Variants in CPZ observed in about 807,000 individuals in gnomAD.
CPZ encodes VEZT/CPZ fusion.
In CPZ, 103 loss-of-function variants were observed where a neutral mutation model predicts 61.8. The observed-to-expected ratio is 1.67, with a 90% CI of 1.42 to 1.96. CPZ has a LOEUF of 1.96. CPZ is among the 30% of genes most tolerant of loss of function. The pLI, the probability that CPZ is intolerant of heterozygous loss-of-function variation, is 0.00. For synonymous variants in CPZ, 551 were observed against 373.7 expected (o/e 1.47, Z -5.47); for missense variants, 1,461 against 914.9 (o/e 1.60, Z -7.70).
At chr4:8,608,692 C>A (rs924735121) in intron 7 of CPZ, among the ~76,000 whole-genome samples, 7 of 149,814 alleles carry the variant, frequency 4.7e-5, no homozygotes, top group Non-Finnish European at 8.9e-5. Context: ...GGGTGGGGAA[C>A]CCCCAGCCTG....
In CPZ at chr4:8,612,139, C is replaced by G; in HGVS notation, c.1340C>G (p.Ala447Gly). The G allele has an allele frequency of 1.4e-6, 2 of 1,477,390 alleles. No individual in the cohort carries two copies. Among genetic ancestry groups the G allele is most frequent in the Non-Finnish European group, 1.8e-6 (2 of 1,099,164 alleles). The allele number at this position is 1,477,390 out of a possible 1,614,324, so 91.5% of individuals were successfully genotyped here. A position where few individuals can be genotyped will look rare whatever the true frequency, so the allele number is the denominator to read the frequency against. Residue 447 changes from alanine to glycine, a missense_variant, in exon 8 of 11, where the codon GCG becomes GGG. Coordinates refer to ENST00000360986, the MANE Select transcript of CPZ (RefSeq NM_001014447.3). ...FLKRGSIING[A>G]DWYSFTGGMS... The stretch of plus-strand genomic sequence containing the variant: ...AAGAGGGGGAGCATCATCAACGGGG[C>G]GGACTGGTACAGCTTCACGGGAGGT...
chr4:8,614,384 C>T lies in CPZ; in HGVS notation c.1389C>T (p.His463=), dbSNP rs1394210386. Residue 463 remains histidine, a synonymous_variant, in exon 9 of 11, where the codon CAC becomes CAT. Coordinates refer to ENST00000360986, the MANE Select transcript of CPZ (RefSeq NM_001014447.3). The stretch of plus-strand genomic sequence containing the variant: ...GCATGTCCGATTTCAACTACCTGCA[C>T]ACCAACTGCTTTGAGATCACGGTAG... ...TGGMSDFNYL[H]TNCFEITVEL... is the part of the protein sequence containing the mutation. 24 of 1,613,878 alleles carry T rather than the reference C, an allele frequency of 1.5e-5. No individual in the cohort carries two copies. Among genetic ancestry groups the T allele is most frequent in the Non-Finnish European group, 1.9e-5 (23 of 1,179,866 alleles).
At chr4:8,608,276 G>T (rs546738032) in intron 7 of CPZ, among the ~76,000 whole-genome samples, 4 of 151,938 alleles carry the variant, frequency 2.6e-5, no homozygotes, top group East Asian at 3.9e-4. Flanking sequence ...CCCAGGCTTC[G>T]CGTGGAGAGC....
At chr4:8,599,275 G>A (rs1159055544) in intron 1 of CPZ, among the ~76,000 whole-genome samples, 178 bp from the exon 2 acceptor site, 4 of 152,236 alleles carry the variant, frequency 2.6e-5, no homozygotes, top group African/African-American at 4.8e-5. Context: ...TCATGCCTGG[G>A]AAATGGGGGT....
At chr4:8,598,909 G>C (rs906557153) in intron 1 of CPZ, among the ~76,000 whole-genome samples, 3 of 152,232 alleles carry the variant, frequency 2.0e-5, no homozygotes, top group Non-Finnish European at 2.9e-5. Context: ...AGGAAATGGG[G>C]AGAGGCCACA....
intron 7 of CPZ, among the ~76,000 whole-genome samples, chr4:8,607,965 T>G (rs1252248072): frequency 1.3e-5 from 2 of 152,204 alleles, no homozygotes; most frequent in Non-Finnish European, 2.9e-5. Context: ...TTTCTCCTAC[T>G]GTTCGTAGAG....
At chr4:8,607,612 C>G (rs1400401688) in intron 7 of CPZ, among the ~76,000 whole-genome samples, 187 bp downstream of exon 7, 1 of 152,170 alleles carries the variant, frequency 6.6e-6, no homozygotes, top group Non-Finnish European at 1.5e-5. Context: ...AAGTCTGTGG[C>G]CTCAGGGGCC....
chr4:8,593,034 T>C, intron 1 of CPZ, 113 bp downstream of exon 1: 1 of 825,052 alleles, frequency 1.2e-6, no homozygotes, highest in Non-Finnish European at 1.8e-6. Flanking sequence ...CACGCGCCTA[T>C]GGTCCTGGCG....
rs1378586312 is a variant in CPZ, at chr4:8,618,444, A to G, written c.1519A>G (p.Lys507Glu). The G allele has an allele frequency of 6.2e-7, 1 of 1,614,182 alleles. No individual in the cohort carries two copies. Among genetic ancestry groups the G allele is most frequent in the African/African-American group, 1.3e-5 (1 of 75,072 alleles). ...GTCTCTTCAGGTGCACCGGGGCATC[A>G]AAGGTGTGGTGACAGATAAATTCGG... is the stretch of plus-strand genomic sequence containing the variant. ...NFVETVHRGIKGVVTDKFGKP... is the reference protein window; with the variant it reads ...NFVETVHRGIEGVVTDKFGKP... The change falls in exon 10 of 11, where the codon AAA becomes GAA. Residue 507 changes from lysine (K) to glutamate (E), a missense_variant. By Grantham distance (56) the Lys-to-Glu change is moderately conservative. Coordinates refer to ENST00000360986, the MANE Select transcript of CPZ (RefSeq NM_001014447.3).
intron 8 of CPZ, among the ~76,000 whole-genome samples, chr4:8,612,852 C>T (rs866391103): frequency 1.3e-5 from 2 of 152,222 alleles, no homozygotes; most frequent in Non-Finnish European, 2.9e-5. Flanking sequence ...CCACAGGTGG[C>T]AGAGCCAGGA....
chr4:8,601,042 G>A, intron 2 of CPZ, 81 bp from the exon 3 acceptor site: 1 of 1,480,452 alleles, frequency 6.8e-7, no homozygotes, highest in Non-Finnish European at 9.0e-7. Flanking sequence ...GGCCCTGCGT[G>A]GGGTCCCCTA....
At chr4:8,610,663 T>G (rs1054185972) in intron 7 of CPZ, among the ~76,000 whole-genome samples, 1 of 152,180 alleles carries the variant, frequency 6.6e-6, no homozygotes, top group Non-Finnish European at 1.5e-5. Flanking sequence ...TCATTCTTGA[T>G]GGGAAAGTCC....
At chr4:8,593,228 C>A (rs1038785172) in intron 1 of CPZ, among the ~76,000 whole-genome samples, 8 of 152,198 alleles carry the variant, frequency 5.3e-5, no homozygotes, top group African/African-American at 1.9e-4. Context: ...GGGCGCCCTG[C>A]AGGTGGGTTC....
intron 9 of CPZ, 120 bp downstream of exon 9, chr4:8,614,618 C>T (rs936140158): frequency 2.1e-5 from 22 of 1,060,570 alleles, no homozygotes; most frequent in African/African-American, 3.3e-5. Flanking sequence ...CTCCTTTTGC[C>T]ACCACTTGTT....
Position 8,592,875 on chromosome 4 carries a change from C to A in CPZ, c.42C>A (p.Val14=). 1.3e-6 allele frequency: 2 copies of A among 1,533,580 alleles called. No individual in the cohort carries two copies. The highest frequency in any genetic ancestry group is 2.4e-5 in the South Asian group (2 of 83,470). 95.0% of individuals were successfully genotyped at this position (1,533,580 alleles called of 1,614,324 possible). A position where few individuals can be genotyped will look rare whatever the true frequency, so the allele number is the denominator to read the frequency against. ...PLPLLLLTVL[V]VAAARPGCEF... The stretch of plus-strand genomic sequence containing the variant: ...CGCTGCTGCTCCTTACAGTCCTGGT[C>A]GTCGCCGCTGCCCGGCCGGGGTGCG... Residue 14 remains valine, a synonymous_variant, in exon 1 of 11, where the codon GTC becomes GTA. Coordinates refer to ENST00000360986, the MANE Select transcript of CPZ (RefSeq NM_001014447.3).
chr4:8,616,987 TC>T (rs1716228737), intron 9 of CPZ, among the ~76,000 whole-genome samples: 1 of 152,088 alleles, frequency 6.6e-6, no homozygotes, highest in Non-Finnish European at 1.5e-5. Context: ...GTTCCCGAGA[TC>T]CCTGTGGCAC....
intron 1 of CPZ, among the ~76,000 whole-genome samples, chr4:8,594,511 C>T (rs1349446820): frequency 6.6e-5 from 10 of 152,202 alleles, no homozygotes; most frequent in Non-Finnish European, 1.5e-4. Flanking sequence ...GGCCTGACCT[C>T]TCTGACCTCA....
intron 7 of CPZ, among the ~76,000 whole-genome samples, chr4:8,611,807 A>C (rs964669152): frequency 1.3e-5 from 2 of 151,862 alleles, no homozygotes; most frequent in Admixed American, 6.5e-5. Context: ...CCTGGCCCCG[A>C]ACTCCAGCAG....
At position 8,607,296 on chromosome 4, in the gene CPZ, G is replaced by C. The variant is rs773736737; in HGVS notation, c.1098G>C (p.Lys366Asn). The C allele has an allele frequency of 6.2e-7, 1 of 1,614,096 alleles. No homozygotes were observed. The highest frequency in any genetic ancestry group is 8.5e-7 in the Non-Finnish European group (1 of 1,179,962). ...KVAPETKAIM[K>N]WMQTIPFVLS... Reference sequence around the variant, plus strand: ...CCCCGGAGACAAAGGCAATCATGAAGTGGATGCAGACCATACCCTTTGTGC... The same window carrying C: ...CCCCGGAGACAAAGGCAATCATGAACTGGATGCAGACCATACCCTTTGTGC... Residue 366 changes from lysine (K) to asparagine (N), a missense_variant, in exon 7 of 11, where the codon AAG (lysine) becomes AAC (asparagine). Physicochemically the swap from Lys to Asn is moderately conservative, Grantham distance 94. Transcript: ENST00000360986.
Sources: allele counts gnomAD v4.1 joint callset (sites outside exome capture counted in the v4.1 genomes callset), GRCh38; gene constraint gnomAD v4.1.1; transcripts MANE v1.5; gene names NCBI Gene and HGNC (gene_info 2026-07-23, HGNC 2026-07-21).